The following OPCML variants were observed in gnomAD, a reference collection of about 807,000 sequenced individuals.
The protein encoded by OPCML is opioid binding protein/cell adhesion molecule like.
In OPCML, 13 loss-of-function variants were observed where a neutral mutation model predicts 37.8. That is an observed-to-expected ratio of 0.34 (90% confidence interval 0.22 to 0.55). OPCML has a LOEUF of 0.55. OPCML is among the 20% of genes least tolerant of loss of function. The probability of loss-of-function intolerance (pLI) is 0.91; values close to 1 mark genes in which losing one functional copy is unlikely to be tolerated. For synonymous variants in OPCML, 176 were observed against 168.8 expected (o/e 1.04, Z -0.33); for missense variants, 341 against 435.6 (o/e 0.78, Z 1.93).
At chr11:132,544,625 T>C (rs1407842388) in intron 3 of OPCML, among the ~76,000 whole-genome samples, 1 of 152,154 alleles carries the variant, frequency 6.6e-6, no homozygotes, top group Non-Finnish European at 1.5e-5. Flanking sequence ...GTTAATAAGG[T>C]TCACCAGCAT....
intron 1 of OPCML, among the ~76,000 whole-genome samples, chr11:132,944,010 C>T (rs1426110163): frequency 2.6e-5 from 4 of 151,822 alleles, no homozygotes; most frequent in Non-Finnish European, 5.9e-5. Flanking sequence ...GGCTGGCGGG[C>T]GGCGCGGACT....
intron 2 of OPCML, among the ~76,000 whole-genome samples, chr11:132,767,776 T>C (rs1329244555): frequency 6.6e-6 from 1 of 151,750 alleles, no homozygotes; most frequent in Non-Finnish European, 1.5e-5. Context: ...GAAAACTAAG[T>C]AGAATATTTT....
In OPCML at chr11:132,975,960, C is replaced by T. The variant is rs915549981; in HGVS notation, c.62-32950G>A. Among the ~76,000 whole-genome samples the T allele has an allele frequency of 1.1e-4, 16 of 152,012 alleles. No homozygotes were observed. The South Asian group carries it at 1.5e-3, about 14-fold the overall frequency. ...TAATTTTTTGTATTTTTAGTAGAGA[C>T]GGGGTTTCACCATGTTAGCCAGGAT... On this transcript the variant is annotated intron_variant, in intron 1 of 7. Transcript: ENST00000524381.
chr11:132,466,485 GA>G (rs61036161), intron 4 of OPCML, among the ~76,000 whole-genome samples: 8,304 of 134,922 alleles, frequency 0.062, 660 homozygotes, highest in African/African-American at 0.2. Context: ...CTCCGTCTCG[GA>G]AAAAAAAAAA....
At chr11:132,704,851 G>C (rs937831000) in intron 2 of OPCML, among the ~76,000 whole-genome samples, 5 of 152,160 alleles carry the variant, frequency 3.3e-5, no homozygotes, top group African/African-American at 1.2e-4. Context: ...TTGGCTTTAA[G>C]CCTTTATAAT....
chr11:132,886,135 G>A (rs1943405877), intron 2 of OPCML, among the ~76,000 whole-genome samples: 1 of 152,112 alleles, frequency 6.6e-6, no homozygotes, highest in Non-Finnish European at 1.5e-5. Context: ...TACATAACTA[G>A]TCCCATATCA....
At chr11:132,898,840 C>T (rs1001681558) in intron 2 of OPCML, among the ~76,000 whole-genome samples, 35 of 150,850 alleles carry the variant, frequency 2.3e-4, no homozygotes, top group African/African-American at 7.4e-4. Context: ...TTTAGACTGC[C>T]CCCCCCACCC....
chr11:133,309,739 T>G (rs1183603336), intron 1 of OPCML, among the ~76,000 whole-genome samples: 1 of 152,164 alleles, frequency 6.6e-6, no homozygotes, highest in African/African-American at 2.4e-5. Flanking sequence ...TTCTCCAGAA[T>G]AAAGGTTAAG....
intron 4 of OPCML, among the ~76,000 whole-genome samples, chr11:132,460,704 A>T (rs1396849208): frequency 6.6e-6 from 1 of 152,234 alleles, no homozygotes; most frequent in Non-Finnish European, 1.5e-5. Flanking sequence ...AGCTCCAGAG[A>T]GAATCGCCAA....
intron 1 of OPCML, among the ~76,000 whole-genome samples, chr11:133,458,836 T>TATACAC (rs1328248712): frequency 1.3e-5 from 2 of 150,490 alleles, no homozygotes; most frequent in African/African-American, 2.5e-5. Context: ...TGTGTGTATA[T>TATACAC]ACACATAGAT....
At chr11:133,189,504 G>C (rs1398743916) in intron 1 of OPCML, among the ~76,000 whole-genome samples, 1 of 152,190 alleles carries the variant, frequency 6.6e-6, no homozygotes, top group Non-Finnish European at 1.5e-5. Context: ...AATCTTACCT[G>C]ATAAATAAAT....
chr11:132,876,777 G>A (rs1159291643), intron 2 of OPCML, among the ~76,000 whole-genome samples: 1 of 152,166 alleles, frequency 6.6e-6, no homozygotes, highest in Non-Finnish European at 1.5e-5. Context: ...CATGCCTGGT[G>A]CTTTCTAAGG....
At chr11:133,255,892 A>G (rs934437607) in intron 1 of OPCML, among the ~76,000 whole-genome samples, 2 of 152,224 alleles carry the variant, frequency 1.3e-5, no homozygotes, top group Non-Finnish European at 2.9e-5. Flanking sequence ...TTTCTTCTAC[A>G]ATGATACCAA....
At chr11:133,129,481 A>G (rs557684785) in intron 1 of OPCML, among the ~76,000 whole-genome samples, 102 of 152,290 alleles carry the variant, frequency 6.7e-4, no homozygotes, top group African/African-American at 2.5e-3. Context: ...GGATGAAATT[A>G]TTTTCTTGTA....
At chr11:132,830,305 G>A (rs969745188) in intron 2 of OPCML, among the ~76,000 whole-genome samples, 37 of 152,156 alleles carry the variant, frequency 2.4e-4, no homozygotes, top group African/African-American at 8.0e-4. Flanking sequence ...CATATGGTAA[G>A]TACGTGATTC....
At chr11:133,140,961 A>AAGAC (rs1565468760) in intron 1 of OPCML, among the ~76,000 whole-genome samples, 32 of 2,270 alleles carry the variant, frequency 0.014, 2 homozygotes, top group African/African-American at 0.02. Flanking sequence ...AAGAAGAAGA[A>AAGAC]GAAGAAGAAG....
chr11:133,031,535 TTGGA>T (rs1168297984), intron 1 of OPCML, among the ~76,000 whole-genome samples: 2 of 148,260 alleles, frequency 1.3e-5, no homozygotes, highest in Admixed American at 6.7e-5. Context: ...GGATGGATGG[TTGGA>T]TGGATGGATG....
At chr11:132,935,720 T>A (rs1031106027) in intron 2 of OPCML, among the ~76,000 whole-genome samples, 4 of 152,234 alleles carry the variant, frequency 2.6e-5, no homozygotes, top group African/African-American at 7.2e-5. Flanking sequence ...CTGCGCTCTC[T>A]GTGTTCACAG....
At chr11:132,729,826 C>T (rs1945013557) in intron 2 of OPCML, among the ~76,000 whole-genome samples, 1 of 152,026 alleles carries the variant, frequency 6.6e-6, no homozygotes, top group Admixed American at 6.6e-5. Flanking sequence ...GAAGCCAGCC[C>T]AGGTACACAT....
Sources: gnomAD v4.1 joint callset for allele counts (sites outside exome capture counted in the v4.1 genomes callset) on GRCh38, gnomAD v4.1.1 for gene constraint, MANE v1.5 for transcripts, NCBI Gene and HGNC (gene_info 2026-07-23, HGNC 2026-07-21) for gene names.